Variants in PTPRD observed in about 807,000 individuals in gnomAD.
The protein encoded by PTPRD is protein tyrosine phosphatase receptor type D, also known as receptor-type tyrosine-protein phosphatase delta.
PTPRD carries 34 observed loss-of-function variants against 214.5 expected under a neutral mutation model. That is an observed-to-expected ratio of 0.16 (90% confidence interval 0.12 to 0.21). The LOEUF (loss-of-function observed/expected upper bound fraction) is 0.21, where lower values mean the gene tolerates loss of function less well. Ranked by LOEUF, PTPRD falls within the 10% of genes least tolerant of loss-of-function variation. The pLI is 1.00. For synonymous variants in PTPRD, 1,128 were observed against 845.7 expected (o/e 1.33, Z -5.79); for missense variants, 2,545 against 2,398.7 (o/e 1.06, Z -1.27).
chr9:10,415,575 A>G (rs1212848813), intron 2 of PTPRD, among the ~76,000 whole-genome samples: 1 of 151,888 alleles, frequency 6.6e-6, no homozygotes, highest in Non-Finnish European at 1.5e-5. Flanking sequence ...CTGTCCTTAA[A>G]GATAAGAAAA....
At chr9:10,166,183 C>A (rs2099157923) in intron 3 of PTPRD, among the ~76,000 whole-genome samples, 1 of 146,114 alleles carries the variant, frequency 6.8e-6, no homozygotes, top group Non-Finnish European at 1.5e-5. Flanking sequence ...AGAGAAGATA[C>A]TGTTTAAATT....
intron 10 of PTPRD, among the ~76,000 whole-genome samples, chr9:9,172,896 T>A (rs952669643): frequency 1.3e-5 from 2 of 152,178 alleles, no homozygotes; most frequent in African/African-American, 4.8e-5. Context: ...TAAATGATTC[T>A]CTTAAAATAC....
chr9:9,880,092 C>A (rs910166919), intron 5 of PTPRD, among the ~76,000 whole-genome samples: 1 of 152,068 alleles, frequency 6.6e-6, no homozygotes. Flanking sequence ...GTGATTGGAT[C>A]ATGGGGGCAG....
chr9:8,656,044 T>C (rs1262166703), intron 12 of PTPRD, among the ~76,000 whole-genome samples: 2 of 152,214 alleles, frequency 1.3e-5, no homozygotes, highest in Non-Finnish European at 2.9e-5. Flanking sequence ...ACTCTCACTA[T>C]TCATAAACAA....
chr9:9,160,356 T>C (rs1458320114), intron 10 of PTPRD, among the ~76,000 whole-genome samples: 2 of 152,072 alleles, frequency 1.3e-5, no homozygotes, highest in Admixed American at 1.3e-4. Context: ...AATAACCTGA[T>C]TAAAAATGGG....
At chr9:9,197,491 A>G (rs1302124896) in intron 9 of PTPRD, among the ~76,000 whole-genome samples, 1 of 152,114 alleles carries the variant, frequency 6.6e-6, no homozygotes, top group Admixed American at 6.5e-5. Context: ...GCTCACTGCA[A>G]TATCTGCCTC....
chr9:10,102,134 G>A (rs750065387), intron 3 of PTPRD, among the ~76,000 whole-genome samples: 6 of 151,394 alleles, frequency 4.0e-5, no homozygotes, highest in Non-Finnish European at 5.9e-5. Flanking sequence ...TTTATAAATC[G>A]GTTGTTCCCC....
rs1421794933 is a variant in PTPRD, at chr9:8,713,408, T to G, written c.64+20372A>C. 3 of 1,097,818 alleles carry G rather than the reference T, an allele frequency of 2.7e-6. No homozygotes were observed. The African/African-American group carries it at 4.6e-5, about 17-fold the overall frequency. The allele number at this position is 1,097,818 out of a possible 1,614,324, so 68.0% of individuals were successfully genotyped here. Reference sequence around the variant, plus strand: ...CCGCCCCTCTACCGCATGCGAATCTTTGCACCTAATCGTGTCGTCGCCAAG... The same window carrying G: ...CCGCCCCTCTACCGCATGCGAATCTGTGCACCTAATCGTGTCGTCGCCAAG... On this transcript the variant is annotated intron_variant, in intron 12 of 45. Coordinates refer to ENST00000381196, the MANE Select transcript of PTPRD (RefSeq NM_002839.4).
chr9:9,596,528 G>C (rs1320680581), intron 7 of PTPRD, among the ~76,000 whole-genome samples: 1 of 151,846 alleles, frequency 6.6e-6, no homozygotes, highest in Non-Finnish European at 1.5e-5. Flanking sequence ...ACTATCATCT[G>C]ATATATCATT....
chr9:9,283,724 C>G (rs1393066814), intron 9 of PTPRD, among the ~76,000 whole-genome samples: 1 of 151,420 alleles, frequency 6.6e-6, no homozygotes, highest in African/African-American at 2.4e-5. Flanking sequence ...TTCTCTTTAC[C>G]ATGAAATGAG....
intron 5 of PTPRD, among the ~76,000 whole-genome samples, chr9:9,877,862 A>G (rs989120349): frequency 6.6e-6 from 1 of 151,198 alleles, no homozygotes; most frequent in Non-Finnish European, 1.5e-5. Context: ...AATCCTGGCT[A>G]CTTGGGAGGC....
intron 3 of PTPRD, among the ~76,000 whole-genome samples, chr9:10,233,808 T>C (rs1385591237): frequency 6.6e-6 from 1 of 151,928 alleles, no homozygotes; most frequent in Non-Finnish European, 1.5e-5. Context: ...AATATCTAAA[T>C]ATTTAAGAAG....
chr9:9,905,779 T>C (rs555019705), intron 5 of PTPRD, among the ~76,000 whole-genome samples: 21 of 152,044 alleles, frequency 1.4e-4, no homozygotes, highest in Non-Finnish European at 2.4e-4. Context: ...ACAAAGAATA[T>C]AGACATTACT....
intron 2 of PTPRD, among the ~76,000 whole-genome samples, chr9:10,545,494 T>C (rs1269477108): frequency 6.6e-6 from 1 of 152,184 alleles, no homozygotes; most frequent in Admixed American, 6.6e-5. Context: ...AGATTATAAA[T>C]GTAAAGTTTA....
At chr9:9,055,538 A>G (rs2154397354) in intron 10 of PTPRD, among the ~76,000 whole-genome samples, 1 of 152,254 alleles carries the variant, frequency 6.6e-6, no homozygotes, top group South Asian at 2.1e-4. Flanking sequence ...TTGGCACATA[A>G]AATTAGCTAT....
chr9:8,710,016 T>C (rs2098296576), intron 12 of PTPRD, among the ~76,000 whole-genome samples: 1 of 152,186 alleles, frequency 6.6e-6, no homozygotes, highest in Admixed American at 6.5e-5. Context: ...CCCTCCAAAC[T>C]ACAATTTACC....
intron 39 of PTPRD, among the ~76,000 whole-genome samples, chr9:8,349,876 C>T (rs933539722): frequency 6.6e-5 from 10 of 151,316 alleles, no homozygotes; most frequent in African/African-American, 2.4e-4. Context: ...AATCAGAACA[C>T]AAACTCTATA....
intron 3 of PTPRD, among the ~76,000 whole-genome samples, chr9:10,323,448 C>T (rs897516387): frequency 6.6e-6 from 1 of 151,078 alleles, no homozygotes; most frequent in Non-Finnish European, 1.5e-5. Context: ...GTGCAATCCA[C>T]TATGCCTGGC....
rs542779016 is a variant in PTPRD, at chr9:10,229,654, A to G, written c.-545+111309T>C. On this transcript the variant is annotated intron_variant, in intron 3 of 45. Coordinates refer to ENST00000381196, the MANE Select transcript of PTPRD (RefSeq NM_002839.4). ...ACTCATAGGTGGGAATTGAACAATG[A>G]GAACACATGGACATAGATTGGGGAA... Among the ~76,000 whole-genome samples the G allele has an allele frequency of 1.7e-3, 258 of 149,362 alleles. 1 individual carries two copies. Among genetic ancestry groups the G allele is most frequent in the African/African-American group, 6.2e-3 (251 of 40,724 alleles).
Sources: allele counts gnomAD v4.1 joint callset (sites outside exome capture counted in the v4.1 genomes callset), GRCh38; gene constraint gnomAD v4.1.1; transcripts MANE v1.5; gene names NCBI Gene and HGNC (gene_info 2026-07-23, HGNC 2026-07-21).